ADGRL1: variants seen among roughly 807,000 people sequenced by gnomAD.
The protein encoded by ADGRL1 is adhesion G protein-coupled receptor L1, also known as CIRL-1.
In ADGRL1, 31 loss-of-function variants were observed where a neutral mutation model predicts 148.9. The observed-to-expected ratio is 0.21, with a 90% CI of 0.16 to 0.28. The LOEUF is 0.28. Ranked by LOEUF, ADGRL1 falls within the 10% of genes least tolerant of loss-of-function variation. The probability of loss-of-function intolerance (pLI) is 1.00; values close to 1 mark genes in which losing one functional copy is unlikely to be tolerated. For synonymous variants in ADGRL1, 937 were observed against 900.3 expected, an observed-to-expected ratio of 1.04 and a Z score of -0.73; for missense variants, 1,521 against 2,058.8, an observed-to-expected ratio of 0.74 and a Z score of 5.05.
intron 4 of ADGRL1, chr19:14,166,975 A>G: frequency 6.2e-7 from 1 of 1,606,362 alleles, no homozygotes; most frequent in Non-Finnish European, 8.5e-7. Context: ...AGGTAGAACA[A>G]AGTGTGAGTT....
chr19:14,166,921 GAGA>G, intron 4 of ADGRL1: 1 of 1,290,304 alleles, frequency 7.8e-7, no homozygotes, highest in Non-Finnish European at 1.1e-6. Flanking sequence ...GGGTTGGGGA[GAGA>G]AGAAGGGGCC....
chr19:14,171,327 G>A (rs1337082777), intron 3 of ADGRL1: 1 of 152,534 alleles, frequency 6.6e-6, no homozygotes, highest in Non-Finnish European at 1.5e-5. Flanking sequence ...CAAGCCCAGA[G>A]GACTTGTGTG....
At chr19:14,205,292 T>G (rs975043532) in intron 1 of ADGRL1, among the ~76,000 whole-genome samples, 4 of 151,358 alleles carry the variant, frequency 2.6e-5, no homozygotes, top group African/African-American at 9.7e-5. Context: ...ATAATCCGAG[T>G]GGATCAAACC....
In ADGRL1 at chr19:14,149,022, CAG is replaced by C. The variant is rs1024510607; in HGVS notation, c.*1849_*1850del. 3.9e-5 allele frequency: 6 copies of C among 152,842 alleles called. No homozygotes were observed. Among genetic ancestry groups the C allele is most frequent in the African/African-American group, 1.5e-4 (6 of 41,370 alleles). 9.5% of individuals were successfully genotyped at this position (152,842 alleles called of 1,614,324 possible). On this transcript the variant is annotated 3_prime_UTR_variant, in exon 23 of 23. Coordinates refer to ENST00000361434, the MANE Select transcript of ADGRL1 (RefSeq NM_014921.5). ...ATGGCACTTGTGAGAAAAGGAGGGG[CAG>C]AGAGATGGGGAGAGGTCAGAGCAGA...
chr19:14,188,304 G>A (rs1971713662), intron 1 of ADGRL1, among the ~76,000 whole-genome samples: 1 of 152,074 alleles, frequency 6.6e-6, no homozygotes, highest in South Asian at 2.1e-4. Flanking sequence ...CGTACACGCT[G>A]GGCCAATACA....
chr19:14,203,746 GCTCCCCATC>G (rs1972772002), intron 1 of ADGRL1, among the ~76,000 whole-genome samples: 2 of 152,146 alleles, frequency 1.3e-5, no homozygotes, highest in South Asian at 4.1e-4. Flanking sequence ...CTGGTCCCCA[GCTCCCCATC>G]CTCCCCAAGC....
In ADGRL1 at chr19:14,152,996, C is replaced by A; in HGVS notation, c.3295-84G>T. 2 of 1,532,850 alleles carry A rather than the reference C, an allele frequency of 1.3e-6. No individual in the cohort carries two copies. The highest frequency in any genetic ancestry group is 1.2e-5 in the South Asian group (1 of 84,532). The allele number at this position is 1,532,850 out of a possible 1,614,324, so 95.0% of individuals were successfully genotyped here. A position where few individuals can be genotyped will look rare whatever the true frequency, so the allele number is the denominator to read the frequency against. On this transcript the variant is annotated intron_variant, in intron 18 of 22. Coordinates refer to ENST00000361434, the MANE Select transcript of ADGRL1 (RefSeq NM_014921.5). The surrounding 1 kb of genome is among the most constrained non-coding windows in gnomAD (Gnocchi z 6.1). ...CCCACAGGGCTGGTCACAAGACAGG[C>A]AGCCTTGGGAGGCCGGAGACCGAGC...
chr19:14,204,704 CAGAGAGAGTGAGAG>C (rs1042159352), intron 1 of ADGRL1, among the ~76,000 whole-genome samples: 6 of 107,634 alleles, frequency 5.6e-5, no homozygotes, highest in Admixed American at 8.8e-5. Context: ...TAGAGAAAGA[CAGAGAGAGTGAGAG>C]AGAGAGAGAG....
At position 14,160,063 on chromosome 19, in the gene ADGRL1, G is replaced by A. The variant is rs943839637; in HGVS notation, c.1800+49C>T. On this transcript the variant is annotated intron_variant, in intron 8 of 22. Transcript: ENST00000361434. The surrounding 1 kb of genome is among the most constrained non-coding windows in gnomAD (Gnocchi z 5.9). ...AGGTCAGGTACTTCCCAAGCCCCTG[G>A]GGGCAGGCGCCCTCCCCATACCAGG... The A allele has an allele frequency of 5.9e-6, 9 of 1,523,630 alleles. No individual in the cohort carries two copies. The South Asian group carries it at 7.4e-5, about 13-fold the overall frequency. The allele number at this position is 1,523,630 out of a possible 1,614,324, so 94.4% of individuals were successfully genotyped here.
At chr19:14,181,622 A>T (rs1005689711) in intron 2 of ADGRL1, among the ~76,000 whole-genome samples, 4 of 152,146 alleles carry the variant, frequency 2.6e-5, no homozygotes, top group Admixed American at 6.5e-5. Context: ...CGGGAGGCTG[A>T]GGCAGGAGAA....
At chr19:14,199,896 G>A (rs1019089361) in intron 1 of ADGRL1, among the ~76,000 whole-genome samples, 1 of 151,834 alleles carries the variant, frequency 6.6e-6, no homozygotes, top group African/African-American at 2.4e-5. Context: ...ACCACACCCA[G>A]CTAATTTTTG....
chr19:14,166,751 G>A (rs986218419), intron 4 of ADGRL1, among the ~76,000 whole-genome samples: 6 of 152,052 alleles, frequency 3.9e-5, no homozygotes, highest in Non-Finnish European at 7.4e-5. Flanking sequence ...CAGGAAGGAG[G>A]GACAGAGAGA....
intron 1 of ADGRL1, among the ~76,000 whole-genome samples, chr19:14,191,991 G>A (rs192254075): frequency 6.6e-6 from 1 of 151,660 alleles, no homozygotes; most frequent in East Asian, 2.0e-4. Flanking sequence ...AGCCACAAGC[G>A]CCGGCCTCTC....
chr19:14,167,188 C>T (rs895066180), intron 4 of ADGRL1, among the ~76,000 whole-genome samples: 30 of 152,350 alleles, frequency 2.0e-4, no homozygotes, highest in East Asian at 1.2e-3. Flanking sequence ...CAACCCCTTC[C>T]GTAGCATCAG....
intron 1 of ADGRL1, among the ~76,000 whole-genome samples, chr19:14,192,795 C>T (rs1393495736): frequency 6.6e-6 from 1 of 152,148 alleles, no homozygotes; most frequent in African/African-American, 2.4e-5. Context: ...AGATGATCCA[C>T]GCGCCTCGGC....
intron 1 of ADGRL1, among the ~76,000 whole-genome samples, chr19:14,194,452 C>T (rs947119717): frequency 2.0e-5 from 3 of 152,220 alleles, no homozygotes; most frequent in African/African-American, 4.8e-5. Context: ...ACCTGAGATG[C>T]CTGGGACAGT....
intron 18 of ADGRL1, among the ~76,000 whole-genome samples, chr19:14,153,623 T>G: frequency 6.8e-6 from 1 of 146,912 alleles, no homozygotes; most frequent in African/African-American, 2.5e-5. Flanking sequence ...AGACGGGGTT[T>G]CACCATGTTG....
Position 14,163,190 on chromosome 19 carries a change from T to C in ADGRL1, c.611A>G (p.Asn204Ser), listed in dbSNP as rs771226834. The C allele has an allele frequency of 5.0e-6, 8 of 1,613,828 alleles. No individual in the cohort carries two copies. The East Asian group carries it at 8.9e-5, about 18-fold the overall frequency. Residue 204 changes from asparagine to serine, a missense_variant, in exon 5 of 23, where the codon AAC becomes AGC. Asn to Ser is a conservative substitution (Grantham distance 46). Coordinates refer to ENST00000361434, the MANE Select transcript of ADGRL1 (RefSeq NM_014921.5). ...CACAAAGCCTGTGCCATCCACGCGG[T>C]TGGGCAGGCGGTAGGTGGTGGTGTG... is the stretch of plus-strand genomic sequence containing the variant. ...ARHTTTYRLP[N>S]RVDGTGFVVY...
In ADGRL1 at chr19:14,204,872, G is replaced by A. The variant is rs557903820; in HGVS notation, c.-96+1113C>T. 6.6e-4 allele frequency among the ~76,000 whole-genome samples: 101 copies of A among 152,218 alleles called. 1 individual carries two copies. In the South Asian group the frequency reaches 0.019, roughly 29 times the overall value. On this transcript the variant is annotated intron_variant, in intron 1 of 22. Coordinates refer to ENST00000361434, the MANE Select transcript of ADGRL1 (RefSeq NM_014921.5). Reference sequence around the variant, plus strand: ...GACAGACCCCAGCTCTGAGTCCGGTGGAAGCCAGGCGGAAGGGGGGGCCCT... The same window carrying A: ...GACAGACCCCAGCTCTGAGTCCGGTAGAAGCCAGGCGGAAGGGGGGGCCCT...
Sources: gnomAD v4.1 joint callset for allele counts (sites outside exome capture counted in the v4.1 genomes callset) on GRCh38, gnomAD v4.1.1 for gene constraint, Gnocchi (gnomAD v3.1) non-coding constraint, MANE v1.5 for transcripts, NCBI Gene and HGNC (gene_info 2026-07-23, HGNC 2026-07-21) for gene names.